ANKRD24: variants seen among roughly 807,000 people sequenced by gnomAD.
ANKRD24 encodes the protein ankyrin repeat domain-containing protein 24.
In ANKRD24, 109 loss-of-function variants were observed where a neutral mutation model predicts 127.8. The ratio of observed to expected loss-of-function variants is 0.85; its 90% CI spans 0.73 to 1.00. The LOEUF is 1.00. ANKRD24 is among the 50% of genes least tolerant of loss of function. The probability of loss-of-function intolerance (pLI) is 0.00; values close to 1 mark genes in which losing one functional copy is unlikely to be tolerated. For synonymous variants in ANKRD24, 743 were observed against 671.1 expected (o/e 1.11, Z -1.66); for missense variants, 1,648 against 1,570.2 (o/e 1.05, Z -0.84).
At chr19:4,194,877 C>T (rs997859785) in intron 2 of ANKRD24, among the ~76,000 whole-genome samples, 1 of 152,100 alleles carries the variant, frequency 6.6e-6, no homozygotes, top group Admixed American at 6.5e-5. Flanking sequence ...AGAGAGGTGT[C>T]ACGGTGATGC....
chr19:4,191,316 GGCC>G (rs991880843), intron 2 of ANKRD24, among the ~76,000 whole-genome samples: 104 of 23,210 alleles, frequency 4.5e-3, no homozygotes, highest in Non-Finnish European at 0.011. Context: ...GCAGGGGCCA[GGCC>G]CCCCCCTCCT....
intron 2 of ANKRD24, among the ~76,000 whole-genome samples, chr19:4,189,243 C>CTTTTTTTTTTTTTT (rs398033749): frequency 2.3e-4 from 17 of 73,950 alleles, no homozygotes; most frequent in Admixed American, 5.5e-4. Context: ...TTTCTTTCTT[C>CTTTTTTTTTTTTTT]TTTTTTTTTT....
chr19:4,193,922 C>G (rs1439682922), intron 2 of ANKRD24, among the ~76,000 whole-genome samples: 1 of 150,828 alleles, frequency 6.6e-6, no homozygotes, highest in East Asian at 2.0e-4. Flanking sequence ...GGGTCAGGCA[C>G]TGGCAGAGTG....
rs1374569127 is a variant in ANKRD24, at chr19:4,219,749, G to C, written c.3162G>C (p.Lys1054Asn). 1.9e-6 allele frequency: 3 copies of C among 1,603,230 alleles called. No homozygotes were observed. In the African/African-American group the frequency reaches 4.0e-5, roughly 21 times the overall value. The change falls in exon 19 of 22, where the codon AAG becomes AAC. Residue 1054 changes from lysine (K) to asparagine (N), a missense_variant. Lys to Asn is a moderately conservative substitution (Grantham distance 94). Coordinates refer to ENST00000318934, the MANE Select transcript of ANKRD24 (RefSeq NM_001393985.1). ...AQEALDKAKEKDKKITELSKE... is the reference protein window; with the variant it reads ...AQEALDKAKENDKKITELSKE... ...AGGCTCTGGACAAGGCCAAGGAGAAGGACAAGAAGGTGGGTGCCCCCTCTC... is the reference window on the plus strand; with the variant it reads ...AGGCTCTGGACAAGGCCAAGGAGAACGACAAGAAGGTGGGTGCCCCCTCTC...
Position 4,218,139 on chromosome 19 carries a change from G to C in ANKRD24, c.2979G>C (p.Glu993Asp). ...GQLEELGRRH[E>D]KTSAEVFQVQ... ...TGGAGGAGCTGGGACGGCGGCATGA[G>C]AAGACCAGCGCAGAGGTCTTCCAGG... The change falls in exon 18 of 22, where the codon GAG (glutamate) becomes GAC (aspartate). Residue 993 changes from glutamate (E) to aspartate (D), a missense_variant. By Grantham distance (45) the Glu-to-Asp change is conservative (BLOSUM62 2). Transcript: ENST00000318934. 1 of 1,531,020 alleles carries C rather than the reference G, an allele frequency of 6.5e-7. No homozygotes were observed. 94.8% of individuals were successfully genotyped at this position (1,531,020 alleles called of 1,614,324 possible).
chr19:4,197,706 T>C (rs1306571172), intron 2 of ANKRD24, among the ~76,000 whole-genome samples: 1 of 151,814 alleles, frequency 6.6e-6, no homozygotes, highest in Non-Finnish European at 1.5e-5. Flanking sequence ...AACAAATGAA[T>C]GAGTGAATGA....
At chr19:4,214,377 G>C (rs2145371972) in intron 15 of ANKRD24, among the ~76,000 whole-genome samples, 1 of 152,126 alleles carries the variant, frequency 6.6e-6, no homozygotes, top group African/African-American at 2.4e-5. Context: ...ATGTTCCCCA[G>C]TCTGGTCTCG....
At chr19:4,190,269 A>T (rs1249373299) in intron 2 of ANKRD24, among the ~76,000 whole-genome samples, 1 of 151,898 alleles carries the variant, frequency 6.6e-6, no homozygotes, top group Non-Finnish European at 1.5e-5. Flanking sequence ...CCCCGTCTCT[A>T]CTAAAAATAC....
In ANKRD24 at chr19:4,200,018, G is replaced by T. The variant is rs755138595; in HGVS notation, c.254+13G>T. 1 of 1,563,170 alleles carries T rather than the reference G, an allele frequency of 6.4e-7. No individual in the cohort carries two copies. Among genetic ancestry groups the T allele is most frequent in the Non-Finnish European group, 8.7e-7 (1 of 1,151,804 alleles). On this transcript the variant is annotated intron_variant, in intron 4 of 21. Transcript: ENST00000318934. Reference sequence around the variant, plus strand: ...AGGGCAAGTCCGCGTGAGTGCCCGCGACCCGGGAGTGAGATGGCTGAGGGG... The same window carrying T: ...AGGGCAAGTCCGCGTGAGTGCCCGCTACCCGGGAGTGAGATGGCTGAGGGG...
In ANKRD24 at chr19:4,216,577, A is replaced by G. The variant is rs547085877; in HGVS notation, c.1417A>G (p.Thr473Ala). The change falls in exon 18 of 22, where the codon ACA becomes GCA. Residue 473 changes from threonine (T) to alanine (A), a missense_variant. Thr to Ala is a moderately conservative substitution (Grantham distance 58). Transcript: ENST00000318934. ...CCTGGAGAACTTTGAGAAGGACGAG[A>G]CACAGATGGAAGTGGAAGCTTTGGC... is the stretch of plus-strand genomic sequence containing the variant. ...QILENFEKDE[T>A]QMEVEALAEV... is the part of the protein sequence containing the mutation. 6.2e-7 allele frequency: 1 copy of G among 1,611,496 alleles called. No homozygotes were observed. Among genetic ancestry groups the G allele is most frequent in the South Asian group, 1.1e-5 (1 of 90,486 alleles).
intron 18 of ANKRD24, 95 bp from the exon 19 acceptor site, chr19:4,219,496 A>G: frequency 6.9e-7 from 1 of 1,443,420 alleles, no homozygotes; most frequent in African/African-American, 1.4e-5. Context: ...AAATCCAAAA[A>G]CAAAAGAACA....
rs1599416984 is a variant in ANKRD24, at chr19:4,199,655, C to A, written c.37-28C>A. 1.3e-6 allele frequency: 2 copies of A among 1,513,822 alleles called. No homozygotes were observed. The allele number at this position is 1,513,822 out of a possible 1,614,324, so 93.8% of individuals were successfully genotyped here. A position where few individuals can be genotyped will look rare whatever the true frequency, so the allele number is the denominator to read the frequency against. On this transcript the variant is annotated intron_variant, in intron 2 of 21. Coordinates refer to ENST00000318934, the MANE Select transcript of ANKRD24 (RefSeq NM_001393985.1). The surrounding 1 kb of genome is among the most constrained non-coding windows in gnomAD (Gnocchi z 5.2). ...CTTGGGGGACACTGTCTGAGGACCC[C>A]CTCGCCCAGGACCACCTCCCCCTGC... is the stretch of plus-strand genomic sequence containing the variant.
In ANKRD24 at chr19:4,217,111, G is replaced by A. The variant is rs1568340653; in HGVS notation, c.1951G>A (p.Glu651Lys). Reference protein sequence around the residue: ...EATKTKAEEAEMQAYGVGAGQ... With the variant: ...EATKTKAEEAKMQAYGVGAGQ... ...CACAAAAACAAAAGCAGAGGAAGCA[G>A]AAATGCAGGCCTACGGAGTGGGTGC... The change falls in exon 18 of 22, where the codon GAA (glutamate) becomes AAA (lysine). Residue 651 changes from glutamate (E) to lysine (K), a missense_variant. Physicochemically the swap from Glu to Lys is moderately conservative, Grantham distance 56 (BLOSUM62 1). Coordinates refer to ENST00000318934, the MANE Select transcript of ANKRD24 (RefSeq NM_001393985.1). 6 of 1,613,868 alleles carry A rather than the reference G, an allele frequency of 3.7e-6. No homozygotes were observed. The highest frequency in any genetic ancestry group is 3.3e-5 in the South Asian group (3 of 91,082).
rs1968695644 is a variant in ANKRD24 at position 4,195,772 on chromosome 19, T to C, written c.37-3911T>C. The stretch of plus-strand genomic sequence containing the variant: ...CGCTAGGCGTGGTGGCGTGTGCCTG[T>C]AATCCCAGCTACTCGGGAAGCTGAA... On this transcript the variant is annotated intron_variant, in intron 2 of 21. Coordinates refer to ENST00000318934, the MANE Select transcript of ANKRD24 (RefSeq NM_001393985.1). This position sits in a 1 kb window ranked among gnomAD's most constrained non-coding sequence, Gnocchi z 4.2. Among the ~76,000 whole-genome samples, 1 of 152,120 alleles carries C rather than the reference T, an allele frequency of 6.6e-6. No homozygotes were observed. The highest frequency in any genetic ancestry group is 1.5e-5 in the Non-Finnish European group (1 of 68,026).
rs373508879 is a variant in ANKRD24, at chr19:4,215,656, T to G, written c.1198-322T>G. ...CAAGTATGGTGTTGCACACCTGTAG[T>G]CCCAGCTGCTTGGAAGGCTGAGGTG... On this transcript the variant is annotated intron_variant, in intron 15 of 21. Transcript: ENST00000318934. Among the ~76,000 whole-genome samples the G allele has an allele frequency of 4.0e-5, 6 of 150,078 alleles. No homozygotes were observed. In the South Asian group the frequency reaches 1.3e-3, roughly 32 times the overall value.
In ANKRD24 at chr19:4,200,190, C is replaced by G; in HGVS notation, c.343+19C>G. On this transcript the variant is annotated intron_variant, in intron 5 of 21. Transcript: ENST00000318934. ...GGGGCAGGTACTGCCAGCTGGGCCC[C>G]GGGGAGGGAGGAGGAACTAAGCCCA... 6.3e-7 allele frequency: 1 copy of G among 1,578,772 alleles called. No homozygotes were observed. The highest frequency in any genetic ancestry group is 8.6e-7 in the Non-Finnish European group (1 of 1,164,378).
rs755420735 is a variant in ANKRD24, at chr19:4,219,657, G to C, written c.3070G>C (p.Glu1024Gln). 1.3e-5 allele frequency: 21 copies of C among 1,613,776 alleles called. No homozygotes were observed. The highest frequency in any genetic ancestry group is 4.0e-5 in the African/African-American group (3 of 74,936). The change falls in exon 19 of 22, where the codon GAG (glutamate) becomes CAG (glutamine). Residue 1024 changes from glutamate (E) to glutamine (Q), a missense_variant. Physicochemically the swap from Glu to Gln is conservative, Grantham distance 29. Transcript: ENST00000318934. ...HAAEAQLATAEQQLRGLRTEA... is the reference protein window; with the variant it reads ...HAAEAQLATAQQQLRGLRTEA... ...AGCCGAGGCACAGCTGGCCACAGCAGAGCAGCAGCTACGGGGGCTACGGAC... is the reference window on the plus strand; with the variant it reads ...AGCCGAGGCACAGCTGGCCACAGCACAGCAGCAGCTACGGGGGCTACGGAC...
intron 1 of ANKRD24, among the ~76,000 whole-genome samples, chr19:4,185,329 A>G (rs1021905431): frequency 6.6e-6 from 1 of 151,974 alleles, no homozygotes; most frequent in African/African-American, 2.4e-5. Context: ...GTGGGTGGTT[A>G]TACAGTGCTT....
intron 1 of ANKRD24, among the ~76,000 whole-genome samples, chr19:4,184,420 G>A (rs571869213): frequency 1.3e-5 from 2 of 152,314 alleles, no homozygotes; most frequent in Admixed American, 6.5e-5. Flanking sequence ...TAGCCAGGCT[G>A]CGGAGCTACC....
Sources: allele counts gnomAD v4.1 joint callset (sites outside exome capture counted in the v4.1 genomes callset), GRCh38; gene constraint gnomAD v4.1.1; non-coding constraint Gnocchi (gnomAD v3.1); transcripts MANE v1.5; gene names NCBI Gene and HGNC (gene_info 2026-07-23, HGNC 2026-07-21).